BCO1: variants seen among roughly 807,000 people sequenced by gnomAD.
The protein encoded by BCO1 is beta-carotene oxygenase 1.
BCO1 carries 54 observed loss-of-function variants against 56.3 expected under a neutral mutation model. The ratio of observed to expected loss-of-function variants is 0.96; its 90% CI spans 0.77 to 1.20. The LOEUF (loss-of-function observed/expected upper bound fraction) is 1.20. Among genes scored for constraint, BCO1 ranks in the 50% most tolerant of loss-of-function variants. BCO1 has a pLI of 0.00. For missense variants in BCO1, 801 were observed against 690.9 expected (o/e 1.16, Z -1.79); for synonymous variants, 318 against 266.1 (o/e 1.20, Z -1.90).
At chr16:81,280,571 C>G (rs1372187471) in intron 7 of BCO1, among the ~76,000 whole-genome samples, 1 of 152,092 alleles carries the variant, frequency 6.6e-6, no homozygotes, top group Non-Finnish European at 1.5e-5. Context: ...CTCTCAGAAG[C>G]ACATTAATTT....
chr16:81,271,026 G>T (rs887219108), intron 7 of BCO1, among the ~76,000 whole-genome samples: 2 of 152,154 alleles, frequency 1.3e-5, no homozygotes, highest in African/African-American at 4.8e-5. Flanking sequence ...TTACAGGCGT[G>T]AGCCACTGCA....
intron 1 of BCO1, among the ~76,000 whole-genome samples, chr16:81,240,975 C>G (rs796162820): frequency 1.3e-5 from 2 of 151,158 alleles, no homozygotes; most frequent in African/African-American, 4.8e-5. Flanking sequence ...GCTGGAATGA[C>G]AGGCATGCAC....
intron 4 of BCO1, chr16:81,263,898 T>C (rs769354757): frequency 5.9e-5 from 9 of 152,724 alleles, no homozygotes; most frequent in African/African-American, 2.2e-4. Flanking sequence ...CCTTTTAAGC[T>C]AGACGGCATC....
intron 2 of BCO1, among the ~76,000 whole-genome samples, chr16:81,253,882 G>A (rs1467736031): frequency 6.6e-6 from 1 of 152,074 alleles, no homozygotes; most frequent in Non-Finnish European, 1.5e-5. Flanking sequence ...AGGATCACTC[G>A]AGCCTGGGAG....
At chr16:81,285,938 G>A (rs1908154516) in intron 9 of BCO1, among the ~76,000 whole-genome samples, 1 of 152,150 alleles carries the variant, frequency 6.6e-6, no homozygotes, top group African/African-American at 2.4e-5. Context: ...TCAGCAGGGA[G>A]ATTCCCAATC....
intron 5 of BCO1, 77 bp downstream of exon 5, chr16:81,264,864 A>G (rs1000751570): frequency 1.3e-5 from 19 of 1,507,984 alleles, no homozygotes; most frequent in Admixed American, 3.4e-5. Context: ...TTTTTCGTTG[A>G]TGACACAAGA....
intron 9 of BCO1, among the ~76,000 whole-genome samples, chr16:81,286,053 TAA>T (rs35518582): frequency 6.7e-6 from 1 of 150,104 alleles, no homozygotes; most frequent in African/African-American, 2.4e-5. Flanking sequence ...CCTTTTTATT[TAA>T]AAAAAAAATA....
chr16:81,261,729 A>T (rs1007156132), intron 3 of BCO1, among the ~76,000 whole-genome samples: 2 of 151,680 alleles, frequency 1.3e-5, no homozygotes, highest in Non-Finnish European at 2.9e-5. Flanking sequence ...TTTCTTCCTT[A>T]GTTGAAGTAA....
chr16:81,267,621 C>T (rs944785080), intron 5 of BCO1, among the ~76,000 whole-genome samples: 1 of 152,052 alleles, frequency 6.6e-6, no homozygotes, highest in Admixed American at 6.6e-5. Flanking sequence ...TCAGACAAAC[C>T]GGTGGAGGCA....
chr16:81,268,774 T>C (rs1232180581), intron 6 of BCO1, among the ~76,000 whole-genome samples: 1 of 152,110 alleles, frequency 6.6e-6, no homozygotes, highest in Non-Finnish European at 1.5e-5. Flanking sequence ...TTGTTGGGTT[T>C]TTATTGTGGG....
At chr16:81,272,328 C>T (rs953322755) in intron 7 of BCO1, among the ~76,000 whole-genome samples, 1 of 151,522 alleles carries the variant, frequency 6.6e-6, no homozygotes, top group Non-Finnish European at 1.5e-5. Flanking sequence ...CCGTGTTAGC[C>T]AGGATGGTCT....
chr16:81,289,505 G>A (rs1343066326), intron 10 of BCO1, among the ~76,000 whole-genome samples: 2 of 152,136 alleles, frequency 1.3e-5, no homozygotes, highest in African/African-American at 2.4e-5. Flanking sequence ...GCCAGACGTG[G>A]TGTCATGTGC....
rs951858024 is a variant in BCO1 at position 81,238,836 on chromosome 16, G to T, written c.-73G>T. The T allele has an allele frequency of 7.7e-7, 1 of 1,298,462 alleles. No individual in the cohort carries two copies. The allele number at this position is 1,298,462 out of a possible 1,614,324, so 80.4% of individuals were successfully genotyped here. On this transcript the variant is annotated 5_prime_UTR_variant, in exon 1 of 11. Coordinates refer to ENST00000258168, the MANE Select transcript of BCO1 (RefSeq NM_017429.3). Reference sequence around the variant, plus strand: ...AGCAGGAAGGAAACGCAGGAGGAGGGAGCAGCATCTCCTGTGAACACAGAG... The same window carrying T: ...AGCAGGAAGGAAACGCAGGAGGAGGTAGCAGCATCTCCTGTGAACACAGAG...
intron 7 of BCO1, among the ~76,000 whole-genome samples, chr16:81,272,315 T>C (rs1907280068): frequency 6.6e-6 from 1 of 151,574 alleles, no homozygotes; most frequent in South Asian, 2.1e-4. Context: ...AGACAGGGTT[T>C]CACCGTGTTA....
intron 9 of BCO1, 50 bp downstream of exon 9, chr16:81,285,684 T>C (rs1385256656): frequency 7.5e-7 from 1 of 1,332,386 alleles, no homozygotes; most frequent in East Asian, 2.3e-5. Flanking sequence ...ATTGTGTCTA[T>C]ATGCAAAGCT....
rs142745317 is a variant in BCO1 at position 81,279,153 on chromosome 16, C to T, written c.1102-1704C>T. Among the ~76,000 whole-genome samples, 382 of 152,158 alleles carry T rather than the reference C, an allele frequency of 2.5e-3. 1 individual carries two copies. The highest frequency in any genetic ancestry group is 8.5e-3 in the African/African-American group (353 of 41,506). ...TTAACCAAGGATGGTGACGCATGCC[C>T]GTAGTCCCCCAGCTACTCAGGAGGC... is the stretch of plus-strand genomic sequence containing the variant. On this transcript the variant is annotated intron_variant, in intron 7 of 10. Transcript: ENST00000258168.
Position 81,239,178 on chromosome 16 carries a change from G to A in BCO1, c.64+206G>A, listed in dbSNP as rs116897482. Among the ~76,000 whole-genome samples the A allele has an allele frequency of 0.03, 4,592 of 151,716 alleles. 83 individuals carry two copies. Among genetic ancestry groups the A allele is most frequent in the African/African-American group, 0.06 (2,466 of 41,354 alleles). ...ATTACAGGCACCCACCACCAAGCCC[G>A]GCTAATCTGTGTGTTTTTAGTAGAG... On this transcript the variant is annotated intron_variant, in intron 1 of 10. Coordinates refer to ENST00000258168, the MANE Select transcript of BCO1 (RefSeq NM_017429.3).
chr16:81,281,693 C>T (rs922873159), intron 8 of BCO1, among the ~76,000 whole-genome samples: 1 of 152,184 alleles, frequency 6.6e-6, no homozygotes, highest in African/African-American at 2.4e-5. Context: ...GAGTCACACC[C>T]GTGGAGCAGG....
At chr16:81,289,995 C>T (rs1378504798) in intron 10 of BCO1, among the ~76,000 whole-genome samples, 1 of 152,222 alleles carries the variant, frequency 6.6e-6, no homozygotes, top group African/African-American at 2.4e-5. Flanking sequence ...TACTGAGTAG[C>T]TGAGATTACA....
Sources: gnomAD v4.1 joint callset for allele counts (sites outside exome capture counted in the v4.1 genomes callset) on GRCh38, gnomAD v4.1.1 for gene constraint, MANE v1.5 for transcripts, NCBI Gene and HGNC (gene_info 2026-07-23, HGNC 2026-07-21) for gene names.